Variants in BCOR observed in about 807,000 individuals in gnomAD.
The protein encoded by BCOR is BCL-6 corepressor.
In BCOR, 10 loss-of-function variants were observed where a neutral mutation model predicts 86.7. The ratio of observed to expected loss-of-function variants is 0.12; its 90% CI spans 0.07 to 0.20. BCOR has a LOEUF of 0.20. BCOR is among the 10% of genes least tolerant of loss of function. The pLI, the probability that BCOR is intolerant of heterozygous loss-of-function variation, is 1.00. For missense variants in BCOR, 1,259 were observed against 1,452.1 expected (o/e 0.87, Z 2.16); for synonymous variants, 611 against 609.0 (o/e 1.00, Z -0.05).
At chrX:40,139,226 A>C (rs1732399969) in intron 1 of BCOR, among the ~76,000 whole-genome samples, 1 of 102,733 alleles carries the variant, frequency 9.7e-6, no homozygotes, top group Non-Finnish European at 2.0e-5. Context: ...AGACCTTTGA[A>C]GGGGTTTTGA....
At chrX:40,087,965 C>A (rs1352076783) in intron 1 of BCOR, among the ~76,000 whole-genome samples, 1 of 112,490 alleles carries the variant, frequency 8.9e-6, no homozygotes, top group Admixed American at 9.4e-5. Context: ...TTCATTTATT[C>A]TTTCCTAAAT....
intron 1 of BCOR, among the ~76,000 whole-genome samples, chrX:40,142,424 G>A (rs1477400049): frequency 8.9e-6 from 1 of 111,960 alleles, no homozygotes; most frequent in African/African-American, 3.2e-5. Flanking sequence ...GGGTCACTTC[G>A]ATCCTGCCTG....
rs3840969 is a variant in BCOR at position 40,074,408 on chromosome X, GGCT to G, written c.935_937del (p.Gln312del). ...GACCGCCTTGGCAGAGGGAACCCTG[GGCT>G]GCTTACTGTTCTGGATGTGAGGATA... is the stretch of plus-strand genomic sequence containing the variant. On this transcript the variant is annotated inframe_deletion, in exon 4 of 15. Coordinates refer to ENST00000378444, the MANE Select transcript of BCOR (RefSeq NM_001123385.2). The G allele has an allele frequency of 8.0e-5, 97 of 1,208,915 alleles. No homozygotes were observed. In the East Asian group the frequency reaches 2.7e-3, roughly 34 times the overall value.
chrX:40,144,540 T>C (rs1937997460), intron 1 of BCOR, among the ~76,000 whole-genome samples: 1 of 112,342 alleles, frequency 8.9e-6, no homozygotes. Context: ...TCAGGCCACA[T>C]AAAAGCGATT....
intron 8 of BCOR, 82 bp downstream of exon 8, chrX:40,063,526 C>G: frequency 1.3e-6 from 1 of 799,919 alleles, no homozygotes; most frequent in Admixed American, 2.5e-5. Context: ...TCTAAGATCT[C>G]CTCAAAAGCC....
intron 1 of BCOR, among the ~76,000 whole-genome samples, chrX:40,081,577 T>A (rs768143075): frequency 8.9e-6 from 1 of 112,038 alleles, no homozygotes; most frequent in Non-Finnish European, 1.9e-5. Context: ...GAAGCTCGTT[T>A]GCTTTTATTT....
At chrX:40,106,652 A>G (rs1259134884) in intron 1 of BCOR, among the ~76,000 whole-genome samples, 3 of 112,208 alleles carry the variant, frequency 2.7e-5, no homozygotes, top group Non-Finnish European at 5.7e-5. Flanking sequence ...CCATTACGCT[A>G]GCAGCCGCTT....
At chrX:40,109,784 C>T (rs1267422096) in intron 1 of BCOR, among the ~76,000 whole-genome samples, 1 of 112,862 alleles carries the variant, frequency 8.9e-6, no homozygotes, top group Non-Finnish European at 1.9e-5. Context: ...TGCGGGAGCC[C>T]GGGAGGGCTG....
chrX:40,121,875 G>GCT (rs751817717), intron 1 of BCOR, among the ~76,000 whole-genome samples: 2 of 112,299 alleles, frequency 1.8e-5, no homozygotes, highest in Admixed American at 9.4e-5. Flanking sequence ...AGCAGAATGG[G>GCT]CTCTCTCTCT....
chrX:40,136,479 T>C (rs1320071935), intron 1 of BCOR, among the ~76,000 whole-genome samples: 1 of 112,208 alleles, frequency 8.9e-6, no homozygotes, highest in Non-Finnish European at 1.9e-5. Context: ...TAGAAATAAC[T>C]AACTACATAA....
chrX:40,176,631 C>T (rs1378967570), intron 1 of BCOR, among the ~76,000 whole-genome samples: 1 of 110,584 alleles, frequency 9.0e-6, no homozygotes, highest in Non-Finnish European at 1.9e-5. Flanking sequence ...CCGCACCACG[C>T]GGAGCTCCGC....
intron 1 of BCOR, among the ~76,000 whole-genome samples, chrX:40,085,154 C>T (rs985416684): frequency 1.8e-5 from 2 of 113,137 alleles, no homozygotes; most frequent in Non-Finnish European, 1.9e-5. Flanking sequence ...AGCTGGCAGA[C>T]GCGCAAATGA....
chrX:40,065,311 TC>T (rs1363027055), intron 6 of BCOR, among the ~76,000 whole-genome samples: 1 of 112,255 alleles, frequency 8.9e-6, no homozygotes, highest in African/African-American at 3.2e-5. Flanking sequence ...AGAGAAAACT[TC>T]AAAAAACTCG....
intron 1 of BCOR, among the ~76,000 whole-genome samples, chrX:40,142,452 G>C (rs1419748571): frequency 8.9e-6 from 1 of 111,887 alleles, no homozygotes; most frequent in Non-Finnish European, 1.9e-5. Flanking sequence ...GTGCTAGTAG[G>C]GTCTTTAGCC....
chrX:40,063,492 C>A, intron 8 of BCOR, 116 bp downstream of exon 8: 1 of 598,728 alleles, frequency 1.7e-6, no homozygotes, highest in Non-Finnish European at 2.7e-6. Flanking sequence ...GCCACATCTT[C>A]GTTGAAGTCA....
At chrX:40,100,675 G>A (rs1364404702), upstream of BCOR, among the ~76,000 whole-genome samples, 1 of 105,610 alleles carries the variant, frequency 9.5e-6, no homozygotes, top group Non-Finnish European at 1.9e-5. Context: ...CTCCAGCCTG[G>A]GCAACAAGAG....
At chrX:40,083,934 A>C in intron 1 of BCOR, among the ~76,000 whole-genome samples, 1 of 111,625 alleles carries the variant, frequency 9.0e-6, no homozygotes, top group Non-Finnish European at 1.9e-5. Flanking sequence ...CCATCAACGA[A>C]TCTGACGAAA....
chrX:40,057,267 T>A lies in BCOR; in HGVS notation c.4483A>T (p.Asn1495Tyr). 1 of 1,211,850 alleles carries A rather than the reference T, an allele frequency of 8.3e-7. No individual in the cohort carries two copies. Among genetic ancestry groups the A allele is most frequent in the Non-Finnish European group, 1.1e-6 (1 of 895,271 alleles). The change falls in exon 11 of 15, where the codon AAC becomes TAC. Residue 1495 changes from asparagine (N) to tyrosine (Y), a missense_variant. Physicochemically the swap from Asn to Tyr is moderately radical, Grantham distance 143. Coordinates refer to ENST00000378444, the MANE Select transcript of BCOR (RefSeq NM_001123385.2). ...NKICDVNHRD[N>Y]AGYCALHEAC... ...TCATGCAGGGCGCAGTAACCTGCGT[T>A]GTCCCGATGATTTACATCACAAATC...
rs1934442333 is a variant in BCOR at position 40,053,739 on chromosome X, G to A, written c.4976+147C>T. 30 of 672,558 alleles carry A rather than the reference G, an allele frequency of 4.5e-5. No homozygotes were observed. In the South Asian group the frequency reaches 7.2e-4, roughly 16 times the overall value. The allele number at this position is 672,558 out of a possible 1,213,427, so 55.4% of individuals were successfully genotyped here. A position where few individuals can be genotyped will look rare whatever the true frequency, so the allele number is the denominator to read the frequency against. ...AGGAAGCTGATGTGTACCCTTTCTGGAAAATATCTACTGCATTGTGTGAGG... is the reference window on the plus strand; with the variant it reads ...AGGAAGCTGATGTGTACCCTTTCTGAAAAATATCTACTGCATTGTGTGAGG... On this transcript the variant is annotated intron_variant, in intron 14 of 14. Transcript: ENST00000378444.
Sources: gnomAD v4.1 joint callset for allele counts (sites outside exome capture counted in the v4.1 genomes callset) on GRCh38, gnomAD v4.1.1 for gene constraint, MANE v1.5 for transcripts, NCBI Gene and HGNC (gene_info 2026-07-23, HGNC 2026-07-21) for gene names.